MXRA5: variants seen among roughly 807,000 people sequenced by gnomAD.
MXRA5 encodes matrix-remodeling-associated protein 5.
MXRA5 carries 41 observed loss-of-function variants against 112.5 expected under a neutral mutation model. The observed-to-expected ratio is 0.36, with a 90% CI of 0.28 to 0.47. MXRA5 has a LOEUF of 0.47. Among genes scored for constraint, MXRA5 ranks in the 20% least tolerant of loss-of-function variants. The probability of loss-of-function intolerance (pLI) is 0.99; values close to 1 mark genes in which losing one functional copy is unlikely to be tolerated. For missense variants in MXRA5, 2,150 were observed against 2,251.0 expected, an observed-to-expected ratio of 0.96 and a Z score of 0.91; for synonymous variants, 862 against 900.8, an observed-to-expected ratio of 0.96 and a Z score of 0.77.
Position 3,311,017 on chromosome X carries a change from G to C in MXRA5, c.7186C>G (p.Gln2396Glu). 1 of 1,211,663 alleles carries C rather than the reference G, an allele frequency of 8.3e-7. No homozygotes were observed. Among genetic ancestry groups the C allele is most frequent in the African/African-American group, 1.7e-5 (1 of 57,756 alleles). The change falls in exon 7 of 7, where the codon CAG becomes GAG. Residue 2396 changes from glutamine (Q) to glutamate (E), a missense_variant. Around this residue, in one of 6 missense-constraint regions of MXRA5, gnomAD observed 1,485 missense variants for 1,471.6 expected, o/e 1.01. Transcript: ENST00000217939. ...AGGAGAGTGCCATCTTGGTATATCT[G>C]ATACTTCTCAGAGGAGGTGGGGATC... ...KVIPTSSEKYQIYQDGTLLIQ... is the reference protein window; with the variant it reads ...KVIPTSSEKYEIYQDGTLLIQ...
chrX:3,334,852 A>T (rs1921747985), intron 2 of MXRA5, among the ~76,000 whole-genome samples: 1 of 111,777 alleles, frequency 8.9e-6, no homozygotes, highest in African/African-American at 3.2e-5. Flanking sequence ...TTGCTACGTT[A>T]TCTTTCCAGG....
chrX:3,329,927 T>G, intron 4 of MXRA5, 91 bp downstream of exon 4: 1 of 1,009,845 alleles, frequency 9.9e-7, no homozygotes, highest in Non-Finnish European at 1.3e-6. Flanking sequence ...TTTCATTGAA[T>G]AAGTCAATAT....
intron 2 of MXRA5, among the ~76,000 whole-genome samples, chrX:3,335,018 T>A (rs1304567622): frequency 9.0e-6 from 1 of 111,384 alleles, no homozygotes; most frequent in Non-Finnish European, 1.9e-5. Context: ...GACTGTGTAT[T>A]CTTGGATGCA....
intron 2 of MXRA5, among the ~76,000 whole-genome samples, chrX:3,342,592 C>A (rs1603468325): frequency 8.9e-6 from 1 of 112,015 alleles, no homozygotes; most frequent in South Asian, 3.7e-4. Flanking sequence ...AACAGCATTT[C>A]ATTGAGAAAC....
At position 3,310,936 on chromosome X, in the gene MXRA5, T is replaced by C; in HGVS notation, c.7267A>G (p.Ser2423Gly). 1 of 1,211,665 alleles carries C rather than the reference T, an allele frequency of 8.3e-7. No individual in the cohort carries two copies. Among genetic ancestry groups the C allele is most frequent in the Non-Finnish European group, 1.1e-6 (1 of 895,485 alleles). The change falls in exon 7 of 7, where the codon AGC (serine) becomes GGC (glycine). Residue 2423 changes from serine to glycine, a missense_variant. Around this residue, in one of 6 missense-constraint regions of MXRA5, gnomAD observed 1,485 missense variants for 1,471.6 expected, o/e 1.01. Transcript: ENST00000217939. ...SGNYTCLVRN[S>G]AGEDRKTVWI... ...ACCGTCTTCCTATCCTCTCCCGCGCTGTTCCTGACCAAGCAGGTGTAGTTG... is the reference window on the plus strand; with the variant it reads ...ACCGTCTTCCTATCCTCTCCCGCGCCGTTCCTGACCAAGCAGGTGTAGTTG...
At chrX:3,336,898 A>G (rs1192412780) in intron 2 of MXRA5, among the ~76,000 whole-genome samples, 2 of 111,879 alleles carry the variant, frequency 1.8e-5, no homozygotes. Context: ...TTCATTCTGC[A>G]ACGCAGTCAC....
Position 3,321,366 on chromosome X carries a change from G to T in MXRA5, c.4319C>A (p.Ser1440Tyr), listed in dbSNP as rs374420182. Residue 1440 changes from serine (S) to tyrosine (Y), a missense_variant, in exon 5 of 7, where the codon TCC (serine) becomes TAC (tyrosine). Around this residue, in one of 6 missense-constraint regions of MXRA5, gnomAD observed 1,485 missense variants for 1,471.6 expected, o/e 1.01. Coordinates refer to ENST00000217939, the MANE Select transcript of MXRA5 (RefSeq NM_015419.4). ...CACTTTTATGCTTGAGAGAGTTGTG[G>T]AAGAACCAGCTTCTTCCTGGTGAAA... is the stretch of plus-strand genomic sequence containing the variant. ...TPFHQEEAGS[S>Y]TTLSSIKVEV... The T allele has an allele frequency of 2.8e-5, 34 of 1,210,158 alleles. No homozygotes were observed. In the East Asian group the frequency reaches 5.6e-4, roughly 20 times the overall value.
chrX:3,344,888 G>A (rs1208645783), intron 1 of MXRA5, among the ~76,000 whole-genome samples: 2 of 110,803 alleles, frequency 1.8e-5, no homozygotes, highest in African/African-American at 6.6e-5. Context: ...CGAGGCGGGC[G>A]GATCACCTGA....
At position 3,309,727 on chromosome X, in the gene MXRA5, G is replaced by A. The variant is rs1414191942; in HGVS notation, c.8476C>T (p.His2826Tyr). 8.3e-7 allele frequency: 1 copy of A among 1,206,867 alleles called. No homozygotes were observed. The highest frequency in any genetic ancestry group is 1.1e-6 in the Non-Finnish European group (1 of 892,786). ...CTGGAATCCACATTTCAGAAGACGT[G>A]GATGTAAGTTGTTTTGGAGTCACTG... ...LGSDSKTTYI[H>Y]VF is the part of the protein sequence containing the mutation. The change falls in exon 7 of 7, where the codon CAC (histidine) becomes TAC (tyrosine). Residue 2826 changes from histidine to tyrosine, a missense_variant. His to Tyr is a moderately conservative substitution (Grantham distance 83). This residue lies in a region of MXRA5 where 178 missense variants were observed against 198.2 expected (regional missense o/e 0.90). Transcript: ENST00000217939.
intron 2 of MXRA5, among the ~76,000 whole-genome samples, chrX:3,341,623 A>T (rs1436270665): frequency 3.5e-5 from 2 of 56,487 alleles, no homozygotes; most frequent in Non-Finnish European, 6.1e-5. Flanking sequence ...ATAATATATA[A>T]TATAGTATAC....
rs1726208 is a variant in MXRA5, at chrX:3,310,612, G to T, written c.7591C>A (p.Leu2531Met). ...ATGGGCTCCAGGACAGTGAGCTGCA[G>T]GATCAACCTGGCCTCCCCTCCCTCG... ...RNEGGEARLI[L>M]QLTVLEPMEK... Residue 2531 changes from leucine to methionine, a missense_variant, in exon 7 of 7, where the codon CTG (leucine) becomes ATG (methionine). By Grantham distance (15) the Leu-to-Met change is conservative (BLOSUM62 2). Coordinates refer to ENST00000217939, the MANE Select transcript of MXRA5 (RefSeq NM_015419.4). 60 of 845,003 alleles carry T rather than the reference G, an allele frequency of 7.1e-5. No homozygotes were observed. Among genetic ancestry groups the T allele is most frequent in the Non-Finnish European group, 9.6e-5 (58 of 602,473 alleles). The allele number at this position is 845,003 out of a possible 1,213,427, so 69.6% of individuals were successfully genotyped here.
At position 3,323,332 on chromosome X, in the gene MXRA5, C is replaced by T. The variant is rs760375645; in HGVS notation, c.2353G>A (p.Asp785Asn). ...TTCCCACGGACTTTGGCTAAAATAT[C>T]AGCCCAGCGCTCCGGATTAATCTGT... ...NKQINPERWADILAKVRGKNL... is the reference protein window; with the variant it reads ...NKQINPERWANILAKVRGKNL... The change falls in exon 5 of 7, where the codon GAT becomes AAT. Residue 785 changes from aspartate to asparagine, a missense_variant. Around this residue, in one of 6 missense-constraint regions of MXRA5, gnomAD observed 1,485 missense variants for 1,471.6 expected, o/e 1.01. Transcript: ENST00000217939. 8.3e-7 allele frequency: 1 copy of T among 1,211,624 alleles called. No individual in the cohort carries two copies. Among genetic ancestry groups the T allele is most frequent in the Admixed American group, 2.2e-5 (1 of 46,000 alleles).
intron 2 of MXRA5, among the ~76,000 whole-genome samples, chrX:3,340,378 C>T (rs1218448062): frequency 1.8e-5 from 2 of 111,364 alleles, no homozygotes; most frequent in Non-Finnish European, 3.8e-5. Context: ...AGACTCATTA[C>T]CTAATTTGAG....
chrX:3,322,091 A>T lies in MXRA5; in HGVS notation c.3594T>A (p.Ser1198Arg). ...CCACCCAAGCTGTAGGAACCAGAGAACTCTCCACTTGACTTGAAATCTTAA... is the reference window on the plus strand; with the variant it reads ...CCACCCAAGCTGTAGGAACCAGAGATCTCTCCACTTGACTTGAAATCTTAA... ...PDIKISSQVESSLVPTAWVDN... is the reference protein window; with the variant it reads ...PDIKISSQVERSLVPTAWVDN... The change falls in exon 5 of 7, where the codon AGT (serine) becomes AGA (arginine). Residue 1198 changes from serine to arginine, a missense_variant. Around this residue, in one of 6 missense-constraint regions of MXRA5, gnomAD observed 1,485 missense variants for 1,471.6 expected, o/e 1.01. Coordinates refer to ENST00000217939, the MANE Select transcript of MXRA5 (RefSeq NM_015419.4). The T allele has an allele frequency of 2.5e-6, 3 of 1,207,529 alleles. No individual in the cohort carries two copies. In the African/African-American group the frequency reaches 5.3e-5, roughly 21 times the overall value.
rs190292998 is a variant in MXRA5 at position 3,326,999 on chromosome X, C to T, written c.710-2024G>A. ...GACATCTATGAAACAAATTTATATT[C>T]TCTCCCTGACCTAAATGTAGAATCT... On this transcript the variant is annotated intron_variant, in intron 4 of 6. Transcript: ENST00000217939. 4.2e-3 allele frequency among the ~76,000 whole-genome samples: 471 copies of T among 111,308 alleles called. 2 individuals carry two copies. The highest frequency in any genetic ancestry group is 0.015 in the African/African-American group (449 of 30,665).
Position 3,324,951 on chromosome X carries a change from T to G in MXRA5, c.734A>C (p.Lys245Thr). ...SRGILKCKKD[K>T]AYEGGQLCAM... ...ACACAACTGACCGCCTTCATAAGCTTTGTCCTTTTTACACTTCAGAATTCC... is the reference window on the plus strand; with the variant it reads ...ACACAACTGACCGCCTTCATAAGCTGTGTCCTTTTTACACTTCAGAATTCC... Residue 245 changes from lysine to threonine, a missense_variant, in exon 5 of 7, where the codon AAA becomes ACA. Coordinates refer to ENST00000217939, the MANE Select transcript of MXRA5 (RefSeq NM_015419.4). 2.5e-6 allele frequency: 3 copies of G among 1,183,011 alleles called. No homozygotes were observed. The highest frequency in any genetic ancestry group is 2.3e-6 in the Non-Finnish European group (2 of 882,867).
chrX:3,343,886 A>C (rs1439254593), intron 1 of MXRA5, 25 bp from the exon 2 acceptor site: 17 of 1,143,351 alleles, frequency 1.5e-5, no homozygotes, highest in Admixed American at 5.0e-5. Context: ...CGAAGAGATG[A>C]GCTTATTCAC....
chrX:3,344,187 G>T (rs2146935555), intron 1 of MXRA5, among the ~76,000 whole-genome samples: 1 of 109,099 alleles, frequency 9.2e-6, no homozygotes, highest in South Asian at 4.0e-4. Context: ...AGAGAGAGAA[G>T]AAAGAGGTTT....
intron 1 of MXRA5, among the ~76,000 whole-genome samples, chrX:3,344,778 C>A (rs1362728373): frequency 9.0e-6 from 1 of 110,599 alleles, no homozygotes. Flanking sequence ...CGCGCCTGCC[C>A]ATTCGCCCGG....
Sources: gnomAD v4.1 joint callset for allele counts (sites outside exome capture counted in the v4.1 genomes callset) on GRCh38, gnomAD v4.1.1 for gene constraint, gnomAD v4.1.1 regional missense constraint, MANE v1.5 for transcripts, NCBI Gene and HGNC (gene_info 2026-07-23, HGNC 2026-07-21) for gene names.